Variants in RAP1GAP2 observed in about 807,000 individuals in gnomAD.
RAP1GAP2 encodes the protein rap1 GTPase-activating protein 2.
In RAP1GAP2, 27 loss-of-function variants were observed where a neutral mutation model predicts 95.0. The ratio of observed to expected loss-of-function variants is 0.28; its 90% CI spans 0.21 to 0.39. The LOEUF (loss-of-function observed/expected upper bound fraction) is 0.39, where lower values mean the gene tolerates loss of function less well. Ranked by LOEUF, RAP1GAP2 falls within the 10% of genes least tolerant of loss-of-function variation. The pLI, the probability that RAP1GAP2 is intolerant of heterozygous loss-of-function variation, is 1.00. For synonymous variants in RAP1GAP2, 373 were observed against 380.9 expected, an observed-to-expected ratio of 0.98 and a Z score of 0.24; for missense variants, 771 against 970.0, an observed-to-expected ratio of 0.79 and a Z score of 2.72.
At chr17:2,863,079 G>C (rs1597460618) in intron 2 of RAP1GAP2, among the ~76,000 whole-genome samples, 1 of 151,658 alleles carries the variant, frequency 6.6e-6, no homozygotes, top group African/African-American at 2.4e-5. Context: ...TGGTGCCCGG[G>C]GTACCCTTTA....
In RAP1GAP2 at chr17:3,032,373, G is replaced by T. The variant is rs563245462; in HGVS notation, c.2185-38G>T. On this transcript the variant is annotated intron_variant, in intron 23 of 24. Transcript: ENST00000254695. ...GCCGTGGAAGGGACCTGTGCTGTCTGGTTATTTAAACTCCTGTATGGATTT... is the reference window on the plus strand; with the variant it reads ...GCCGTGGAAGGGACCTGTGCTGTCTTGTTATTTAAACTCCTGTATGGATTT... The T allele has an allele frequency of 1.9e-6, 3 of 1,613,596 alleles. No homozygotes were observed. The South Asian group carries it at 3.3e-5, about 18-fold the overall frequency.
intron 10 of RAP1GAP2, among the ~76,000 whole-genome samples, chr17:2,983,372 C>T (rs549922275): frequency 8.5e-5 from 13 of 152,224 alleles, no homozygotes; most frequent in Non-Finnish European, 1.6e-4. Flanking sequence ...GCTCTTTGGA[C>T]GCTAAACACG....
At chr17:2,999,368 T>C (rs2046077086) in intron 14 of RAP1GAP2, among the ~76,000 whole-genome samples, 1 of 152,156 alleles carries the variant, frequency 6.6e-6, no homozygotes, top group Non-Finnish European at 1.5e-5. Flanking sequence ...TGCAGATAAA[T>C]GCAAAATGCT....
Position 2,979,288 on chromosome 17 carries a change from C to T in RAP1GAP2, c.597-999C>T, listed in dbSNP as rs77019503. Among the ~76,000 whole-genome samples, 1,390 of 152,212 alleles carry T rather than the reference C, an allele frequency of 9.1e-3. 26 individuals are homozygous for T. The highest frequency in any genetic ancestry group is 0.032 in the African/African-American group (1,317 of 41,518). The stretch of plus-strand genomic sequence containing the variant: ...TTGAGTAAGCCCAGATTTTGAAATA[C>T]TAGGTTTTCTTTTCATAAAGGTTTA... On this transcript the variant is annotated intron_variant, in intron 8 of 24. Transcript: ENST00000254695.
At chr17:2,944,410 T>C (rs1173341708) in intron 3 of RAP1GAP2, among the ~76,000 whole-genome samples, 2 of 152,238 alleles carry the variant, frequency 1.3e-5, no homozygotes, top group Non-Finnish European at 2.9e-5. Flanking sequence ...TTCCCTAGGA[T>C]TGGTCTTGGC....
chr17:2,947,814 C>T (rs535985154), intron 3 of RAP1GAP2, among the ~76,000 whole-genome samples: 3 of 152,246 alleles, frequency 2.0e-5, no homozygotes, highest in South Asian at 2.1e-4. Flanking sequence ...TTTCCAGAAA[C>T]GGGTTTAGAG....
intron 19 of RAP1GAP2, 145 bp downstream of exon 19, chr17:3,020,740 C>G: frequency 2.9e-6 from 2 of 683,664 alleles, no homozygotes; most frequent in Non-Finnish European, 5.1e-6. Context: ...ACCTGTGTGT[C>G]CCCTGTCACT....
chr17:2,987,935 G>T (rs2045611633), intron 11 of RAP1GAP2, among the ~76,000 whole-genome samples: 2 of 152,214 alleles, frequency 1.3e-5, no homozygotes, highest in African/African-American at 4.8e-5. Context: ...GCCTGTGCAT[G>T]TTTGCAGAGC....
intron 2 of RAP1GAP2, among the ~76,000 whole-genome samples, chr17:2,891,255 C>T (rs1273253945): frequency 6.6e-6 from 1 of 151,834 alleles, no homozygotes; most frequent in Non-Finnish European, 1.5e-5. Flanking sequence ...TCAAGCGATC[C>T]CCCTACCTCA....
chr17:2,801,488 G>T (rs1384814369), intron 2 of RAP1GAP2, among the ~76,000 whole-genome samples: 1 of 126,982 alleles, frequency 7.9e-6, no homozygotes, highest in African/African-American at 2.9e-5. Flanking sequence ...AAAAAAAAAA[G>T]AAAGATAATT....
chr17:3,005,937 C>G lies in RAP1GAP2; in HGVS notation c.1273-18C>G. 6.2e-7 allele frequency: 1 copy of G among 1,610,156 alleles called. No homozygotes were observed. The highest frequency in any genetic ancestry group is 8.5e-7 in the Non-Finnish European group (1 of 1,176,458). ...CAGCCGAGAGTGACAGACCTGAGGT[C>G]CGTCTTGTCTCTTCCAGGGCCCGGA... On this transcript the variant is annotated intron_variant, in intron 15 of 24. Coordinates refer to ENST00000254695, the MANE Select transcript of RAP1GAP2 (RefSeq NM_015085.5). This position sits in a 1 kb window ranked among gnomAD's most constrained non-coding sequence, Gnocchi z 5.2.
chr17:3,016,944 C>T (rs1033327383), intron 17 of RAP1GAP2, among the ~76,000 whole-genome samples: 4 of 152,178 alleles, frequency 2.6e-5, no homozygotes, highest in Non-Finnish European at 5.9e-5. Context: ...CATTCCTGCC[C>T]GGCCAGATCC....
At chr17:2,774,914 A>G (rs1032529642), upstream of RAP1GAP2, among the ~76,000 whole-genome samples, 1 of 146,846 alleles carries the variant, frequency 6.8e-6, no homozygotes, top group Non-Finnish European at 1.5e-5. Context: ...TCCGCCTCCC[A>G]GATTCAAGCA....
At chr17:2,978,169 C>T (rs1448486379) in intron 8 of RAP1GAP2, among the ~76,000 whole-genome samples, 1 of 152,156 alleles carries the variant, frequency 6.6e-6, no homozygotes, top group Non-Finnish European at 1.5e-5. Context: ...TCATCCGTAC[C>T]ATGGATCTCA....
At position 2,870,724 on chromosome 17, in the gene RAP1GAP2, G is replaced by A. The variant is rs142851583; in HGVS notation, c.81-34560G>A. On this transcript the variant is annotated intron_variant, in intron 2 of 24. Transcript: ENST00000254695. This position sits in a 1 kb window ranked among gnomAD's most constrained non-coding sequence, Gnocchi z 4.4. ...AGACCCTTGGTGGCAAGTGACAGAG[G>A]CCCATCTTGAATTAGCCAAACAAAA... 6.6e-6 allele frequency among the ~76,000 whole-genome samples: 1 copy of A among 152,276 alleles called. No individual in the cohort carries two copies. The highest frequency in any genetic ancestry group is 1.5e-5 in the Non-Finnish European group (1 of 68,026).
intron 14 of RAP1GAP2, among the ~76,000 whole-genome samples, chr17:3,002,492 C>T (rs1567880777): frequency 6.6e-6 from 1 of 152,194 alleles, no homozygotes; most frequent in East Asian, 1.9e-4. Context: ...CCGGCAGCAC[C>T]CCAGGTAATT....
chr17:2,937,887 G>A (rs368046161), intron 3 of RAP1GAP2, among the ~76,000 whole-genome samples: 1 of 152,118 alleles, frequency 6.6e-6, no homozygotes, highest in Non-Finnish European at 1.5e-5. Flanking sequence ...GCCTGGCCTC[G>A]ATTAAGCTGT....
At chr17:2,933,090 GAGCCAGCC>G (rs1226871677) in intron 3 of RAP1GAP2, among the ~76,000 whole-genome samples, 1 of 152,240 alleles carries the variant, frequency 6.6e-6, no homozygotes, top group Non-Finnish European at 1.5e-5. Flanking sequence ...CCTCCTCCAT[GAGCCAGCC>G]AGCCAGACAG....
chr17:2,816,982 C>CTTTTTT (rs148255771), intron 2 of RAP1GAP2, among the ~76,000 whole-genome samples: 3 of 48,680 alleles, frequency 6.2e-5, no homozygotes, highest in African/African-American at 2.2e-4. Flanking sequence ...TCAGAATTTC[C>CTTTTTT]TTTTTTTTTT....
Sources: gnomAD v4.1 joint callset for allele counts (sites outside exome capture counted in the v4.1 genomes callset) on GRCh38, gnomAD v4.1.1 for gene constraint, Gnocchi (gnomAD v3.1) non-coding constraint, MANE v1.5 for transcripts, NCBI Gene and HGNC (gene_info 2026-07-23, HGNC 2026-07-21) for gene names.